TENM3: variants seen among roughly 807,000 people sequenced by gnomAD.
TENM3 encodes teneurin transmembrane protein 3.
A neutral mutation model predicts 255.1 loss-of-function variants in TENM3; 63 were observed. The observed-to-expected ratio is 0.25, with a 90% confidence interval of 0.20 to 0.30. The LOEUF (loss-of-function observed/expected upper bound fraction) is 0.30. TENM3 is among the 10% of genes least tolerant of loss of function. TENM3 has a pLI of 1.00. For synonymous variants in TENM3, 1,306 were observed against 1,322.3 expected, an observed-to-expected ratio of 0.99 and a Z score of 0.27; for missense variants, 2,929 against 3,461.1, an observed-to-expected ratio of 0.85 and a Z score of 3.86.
In TENM3 at chr4:182,754,241, T is replaced by C; in HGVS notation, c.4018-144T>C. The C allele has an allele frequency of 1.2e-6, 1 of 824,894 alleles. No homozygotes were observed. Among genetic ancestry groups the C allele is most frequent in the South Asian group, 2.0e-5 (1 of 51,118 alleles). The allele number at this position is 824,894 out of a possible 1,614,324, so 51.1% of individuals were successfully genotyped here. A position where few individuals can be genotyped will look rare whatever the true frequency, so the allele number is the denominator to read the frequency against. Reference sequence around the variant, plus strand: ...TCTTCATTCATTACTTTTTGGTTTATTTTACTGAGGCTATTGAAAAAACTA... The same window carrying C: ...TCTTCATTCATTACTTTTTGGTTTACTTTACTGAGGCTATTGAAAAAACTA... On this transcript the variant is annotated intron_variant, in intron 21 of 27. Coordinates refer to ENST00000511685, the MANE Select transcript of TENM3 (RefSeq NM_001080477.4). This position sits in a 1 kb window ranked among gnomAD's most constrained non-coding sequence, Gnocchi z 5.1.
the TENM3 span, among the ~76,000 whole-genome samples, chr4:181,450,355 T>C: frequency 6.6e-6 from 1 of 152,222 alleles, no homozygotes; most frequent in South Asian, 2.1e-4. Context: ...CAATATTACA[T>C]ACCTGAGTAA....
the TENM3 span, among the ~76,000 whole-genome samples, chr4:182,014,141 C>CAT: frequency 3.5e-5 from 5 of 144,518 alleles, no homozygotes; most frequent in South Asian, 2.2e-4. Flanking sequence ...TATACACACA[C>CAT]ATATATACTT....
chr4:182,600,091 A>G (rs1387492102), intron 3 of TENM3, among the ~76,000 whole-genome samples: 1 of 152,240 alleles, frequency 6.6e-6, no homozygotes, highest in Non-Finnish European at 1.5e-5. Context: ...TGAAGTTGTC[A>G]GACTCTTTAT....
At chr4:181,557,438 T>C in the TENM3 span, among the ~76,000 whole-genome samples, 1,074 of 152,334 alleles carry the variant, frequency 7.1e-3, 16 homozygotes, top group African/African-American at 0.025. Context: ...AAACCACATG[T>C]TGAAAATATT....
At chr4:182,512,839 A>T (rs80139644) in intron 3 of TENM3, among the ~76,000 whole-genome samples, 9,982 of 152,274 alleles carry the variant, frequency 0.066, 463 homozygotes, top group Non-Finnish European at 0.1. Flanking sequence ...CTATAGGCTA[A>T]GAGTATACAG....
the TENM3 span, among the ~76,000 whole-genome samples, chr4:181,473,301 T>C: frequency 9.2e-5 from 14 of 152,210 alleles, no homozygotes; most frequent in Admixed American, 2.6e-4. Flanking sequence ...AAGAAATCCA[T>C]CCTAGGACTG....
At chr4:182,445,640 A>C (rs921459524) in intron 3 of TENM3, among the ~76,000 whole-genome samples, 3 of 151,110 alleles carry the variant, frequency 2.0e-5, no homozygotes, top group Non-Finnish European at 4.4e-5. Flanking sequence ...ATTTGCTTTG[A>C]TTTGGTTTGG....
In TENM3 at chr4:182,634,063, G is replaced by A. The variant is rs150536381; in HGVS notation, c.988+5174G>A. The stretch of plus-strand genomic sequence containing the variant: ...CAGCAGGCTCTCAGGTGATGCTGCC[G>A]TGCTTCTCAGACCACAATATGAGTA... On this transcript the variant is annotated intron_variant, in intron 5 of 27. Transcript: ENST00000511685. Among the ~76,000 whole-genome samples, 744 of 152,200 alleles carry A rather than the reference G, an allele frequency of 4.9e-3. 7 individuals are homozygous for A. The highest frequency in any genetic ancestry group is 0.017 in the African/African-American group (708 of 41,548).
chr4:181,799,022 C>A, the TENM3 span, among the ~76,000 whole-genome samples: 1 of 152,124 alleles, frequency 6.6e-6, no homozygotes, highest in Non-Finnish European at 1.5e-5. Flanking sequence ...TGTAGACGGC[C>A]GCTTATGCAC....
chr4:182,177,769 C>T (rs1261269282), intron 1 of TENM3, among the ~76,000 whole-genome samples: 1 of 151,860 alleles, frequency 6.6e-6, no homozygotes, highest in Non-Finnish European at 1.5e-5. Context: ...CTCAAGTGAT[C>T]TGCCTACCTT....
At chr4:182,784,795 C>T (rs548372929) in intron 24 of TENM3, among the ~76,000 whole-genome samples, 1,714 of 152,176 alleles carry the variant, frequency 0.011, 26 homozygotes, top group African/African-American at 0.039. Flanking sequence ...GCGCAGTATT[C>T]GGGTGGGAGT....
the TENM3 span, among the ~76,000 whole-genome samples, chr4:182,126,733 GAA>G: frequency 2.0e-5 from 3 of 152,008 alleles, no homozygotes; most frequent in Non-Finnish European, 4.4e-5. Context: ...CCCTACCCAC[GAA>G]AAGAGTTGAA....
At chr4:182,462,349 GC>G (rs1346058225) in intron 3 of TENM3, among the ~76,000 whole-genome samples, 2 of 151,956 alleles carry the variant, frequency 1.3e-5, no homozygotes, top group East Asian at 3.9e-4. Context: ...ATGAGCCACT[GC>G]TCCCGGCCTA....
At chr4:181,754,397 T>C in the TENM3 span, among the ~76,000 whole-genome samples, 1 of 151,916 alleles carries the variant, frequency 6.6e-6, no homozygotes, top group Non-Finnish European at 1.5e-5. Context: ...AAATAAACTA[T>C]TTTTGTCAGG....
At chr4:181,894,809 CAG>C in the TENM3 span, among the ~76,000 whole-genome samples, 1 of 151,916 alleles carries the variant, frequency 6.6e-6, no homozygotes, top group Non-Finnish European at 1.5e-5. Flanking sequence ...ACGGATGCCA[CAG>C]AGTTAGGTGT....
At chr4:181,538,906 T>C in the TENM3 span, among the ~76,000 whole-genome samples, 1 of 152,218 alleles carries the variant, frequency 6.6e-6, no homozygotes. Flanking sequence ...GGTTTAGTTG[T>C]TTAATTATGA....
At chr4:181,764,813 C>T in the TENM3 span, among the ~76,000 whole-genome samples, 1 of 152,094 alleles carries the variant, frequency 6.6e-6, no homozygotes, top group South Asian at 2.1e-4. Flanking sequence ...ACCTCAGCCC[C>T]CTGAGTAGCT....
chr4:182,720,538 A>G (rs2152691881), intron 13 of TENM3, among the ~76,000 whole-genome samples: 1 of 152,272 alleles, frequency 6.6e-6, no homozygotes, highest in Admixed American at 6.5e-5. Context: ...TACCTAAAGT[A>G]AGAAGGAGAT....
the TENM3 span, among the ~76,000 whole-genome samples, chr4:181,909,219 T>C: frequency 6.6e-6 from 1 of 152,222 alleles, no homozygotes; most frequent in African/African-American, 2.4e-5. Context: ...GAGAGTCAGA[T>C]AGGAGTTTAA....
Sources: allele counts gnomAD v4.1 joint callset (sites outside exome capture counted in the v4.1 genomes callset), GRCh38; gene constraint gnomAD v4.1.1; non-coding constraint Gnocchi (gnomAD v3.1); transcripts MANE v1.5; gene names NCBI Gene and HGNC (gene_info 2026-07-23, HGNC 2026-07-21).